PLCZ1: variants seen among roughly 807,000 people sequenced by gnomAD.
The protein encoded by PLCZ1 is phospholipase C zeta 1.
A neutral mutation model predicts 76.8 loss-of-function variants in PLCZ1; 64 were observed. The observed-to-expected ratio is 0.83, with a 90% CI of 0.68 to 1.03. The LOEUF is 1.03. Among genes scored for constraint, PLCZ1 ranks in the 50% least tolerant of loss-of-function variants. The probability of loss-of-function intolerance (pLI) is 0.00; values close to 1 mark genes in which losing one functional copy is unlikely to be tolerated. For synonymous variants in PLCZ1, 248 were observed against 230.8 expected (o/e 1.07, Z -0.68); for missense variants, 751 against 713.7 (o/e 1.05, Z -0.60).
At position 18,712,746 on chromosome 12, in the gene PLCZ1, A is replaced by C. The variant is rs942973827; in HGVS notation, c.714+96T>G. The C allele has an allele frequency of 2.8e-6, 4 of 1,427,812 alleles. No individual in the cohort carries two copies. In the African/African-American group the frequency reaches 5.6e-5, roughly 20 times the overall value. The allele number at this position is 1,427,812 out of a possible 1,614,324, so 88.4% of individuals were successfully genotyped here. A position where few individuals can be genotyped will look rare whatever the true frequency, so the allele number is the denominator to read the frequency against. ...ATCATAACCCACAATTTGAAATATC[A>C]TCTAAAGTAAGGCTAAGCATTATAG... On this transcript the variant is annotated intron_variant, in intron 6 of 14. Coordinates refer to ENST00000266505, the MANE Select transcript of PLCZ1 (RefSeq NM_033123.4).
chr12:18,675,928 A>G, the PLCZ1 span, among the ~76,000 whole-genome samples: 1 of 152,102 alleles, frequency 6.6e-6, no homozygotes, highest in Non-Finnish European at 1.5e-5. Context: ...TTAACTATTA[A>G]AATGACAAGC....
intron 5 of PLCZ1, 123 bp downstream of exon 5, chr12:18,719,308 C>A: frequency 2.0e-6 from 1 of 506,814 alleles, no homozygotes; most frequent in East Asian, 3.4e-5. Flanking sequence ...ATTTCTATTC[C>A]CTATGAGTTT....
At chr12:18,656,440 C>T in the PLCZ1 span, among the ~76,000 whole-genome samples, 3 of 152,116 alleles carry the variant, frequency 2.0e-5, no homozygotes, top group East Asian at 5.8e-4. Context: ...GTGGCGGGCG[C>T]CTGTAATCCC....
At position 18,717,236 on chromosome 12, in the gene PLCZ1, TA is replaced by T. The variant is rs1014491454; in HGVS notation, c.569+2194del. ...GCTTTAATATTTATATTTTCTCTCT[TA>T]AAAAAATTAAAATAACAAAAAATGA... On this transcript the variant is annotated intron_variant, in intron 5 of 14. Transcript: ENST00000266505. Among the ~76,000 whole-genome samples the T allele has an allele frequency of 2.3e-3, 351 of 152,200 alleles. 3 individuals carry two copies. Among genetic ancestry groups the T allele is most frequent in the Non-Finnish European group, 6.8e-4 (46 of 67,992 alleles).
chr12:18,670,866 T>A, the PLCZ1 span, among the ~76,000 whole-genome samples: 1 of 152,052 alleles, frequency 6.6e-6, no homozygotes, highest in Non-Finnish European at 1.5e-5. Flanking sequence ...AAGCTTTCAA[T>A]TGGAAAAATT....
At chr12:18,648,028 A>T in the PLCZ1 span, 1 of 1,581,572 alleles carries the variant, frequency 6.3e-7, no homozygotes, top group Non-Finnish European at 8.6e-7. Flanking sequence ...GTATAATTTG[A>T]CCATTGCTAT....
chr12:18,713,370 A>G (rs1264744024), intron 5 of PLCZ1, among the ~76,000 whole-genome samples: 1 of 152,186 alleles, frequency 6.6e-6, no homozygotes, highest in East Asian at 1.9e-4. Flanking sequence ...ATACCATTCA[A>G]AAGTGATAAT....
chr12:18,702,434 C>G (rs949534948), intron 7 of PLCZ1, among the ~76,000 whole-genome samples: 1 of 152,080 alleles, frequency 6.6e-6, no homozygotes, highest in African/African-American at 2.4e-5. Flanking sequence ...TTTAATTTAA[C>G]AAGTACATTT....
At chr12:18,675,739 G>A in the PLCZ1 span, among the ~76,000 whole-genome samples, 1 of 151,980 alleles carries the variant, frequency 6.6e-6, no homozygotes, top group African/African-American at 2.4e-5. Flanking sequence ...GGATGGAGCT[G>A]GAGTCCATTA....
In PLCZ1 at chr12:18,731,131, G is replaced by A. The variant is rs1311345297; in HGVS notation, c.135+5090C>T. 7 of 152,040 alleles carry A rather than the reference G, an allele frequency of 4.6e-5. No individual in the cohort carries two copies. In the East Asian group the frequency reaches 1.4e-3, roughly 29 times the overall value. The allele number at this position is 152,040 out of a possible 1,614,324, so 9.4% of individuals were successfully genotyped here. ...GTAAACTTGAGGGCTAAATGTTATT[G>A]AGAGAAGTGGTTGTTGGAAGACAAT... On this transcript the variant is annotated intron_variant, in intron 3 of 14. Coordinates refer to ENST00000266505, the MANE Select transcript of PLCZ1 (RefSeq NM_033123.4).
chr12:18,654,404 T>TTAAAATTTA, the PLCZ1 span, among the ~76,000 whole-genome samples: 1 of 148,776 alleles, frequency 6.7e-6, no homozygotes, highest in Non-Finnish European at 1.5e-5. Context: ...AAACTCCTCT[T>TTAAAATTTA]AAAGTATCAG....
chr12:18,713,454 G>T (rs1463338533), intron 5 of PLCZ1, among the ~76,000 whole-genome samples: 3 of 152,070 alleles, frequency 2.0e-5, no homozygotes, highest in Non-Finnish European at 4.4e-5. Flanking sequence ...TCAGGCTTTG[G>T]GGAATGGGGT....
At chr12:18,656,693 C>T in the PLCZ1 span, among the ~76,000 whole-genome samples, 1 of 152,126 alleles carries the variant, frequency 6.6e-6, no homozygotes, top group Non-Finnish European at 1.5e-5. Flanking sequence ...TATGATCATG[C>T]CACTGCACTC....
the PLCZ1 span, among the ~76,000 whole-genome samples, chr12:18,672,331 C>T: frequency 2.0e-5 from 3 of 151,948 alleles, no homozygotes; most frequent in East Asian, 1.9e-4. Flanking sequence ...AAACCTTTCC[C>T]GACAGTTAAG....
chr12:18,692,725 A>C, intron 12 of PLCZ1: 1 of 860,122 alleles, frequency 1.2e-6, no homozygotes, highest in Non-Finnish European at 1.9e-6. Context: ...CATCAACATA[A>C]AGAAAAAATG....
At chr12:18,729,111 G>C (rs1472938718) in intron 3 of PLCZ1, among the ~76,000 whole-genome samples, 1 of 151,834 alleles carries the variant, frequency 6.6e-6, no homozygotes, top group Non-Finnish European at 1.5e-5. Context: ...AGTACCCCTT[G>C]CCTGCAAAAG....
intron 6 of PLCZ1, among the ~76,000 whole-genome samples, chr12:18,706,991 C>T (rs1031496604): frequency 3.4e-4 from 52 of 152,208 alleles, no homozygotes; most frequent in African/African-American, 1.2e-3. Context: ...TGGCTGCCCA[C>T]ATTCCTTGGC....
chr12:18,666,469 C>A, the PLCZ1 span, among the ~76,000 whole-genome samples: 1 of 151,936 alleles, frequency 6.6e-6, no homozygotes, highest in African/African-American at 2.4e-5. Flanking sequence ...GTGATTGTTG[C>A]ACGAGACAAA....
the PLCZ1 span, among the ~76,000 whole-genome samples, chr12:18,672,998 T>C: frequency 6.6e-6 from 1 of 152,092 alleles, no homozygotes; most frequent in East Asian, 1.9e-4. Flanking sequence ...GATTGGTACA[T>C]GACACAAAAG....
Sources: gnomAD v4.1 joint callset for allele counts (sites outside exome capture counted in the v4.1 genomes callset) on GRCh38, gnomAD v4.1.1 for gene constraint, MANE v1.5 for transcripts, NCBI Gene and HGNC (gene_info 2026-07-23, HGNC 2026-07-21) for gene names.